ZFX: variants seen among roughly 807,000 people sequenced by gnomAD.
ZFX encodes zinc finger X-chromosomal protein.
For synonymous variants in ZFX, 196 were observed against 226.8 expected, an observed-to-expected ratio of 0.86 and a Z score of 1.22; for missense variants, 362 against 628.3, an observed-to-expected ratio of 0.58 and a Z score of 4.53.
intron 3 of ZFX, among the ~76,000 whole-genome samples, chrX:24,162,728 C>G (rs957556084): frequency 5.4e-5 from 6 of 111,305 alleles, no homozygotes; most frequent in Non-Finnish European, 9.4e-5. Flanking sequence ...TTAAATCTAC[C>G]CTTTAAAATG....
intron 3 of ZFX, among the ~76,000 whole-genome samples, chrX:24,153,408 G>A (rs1195843021): frequency 1.8e-5 from 2 of 111,524 alleles, no homozygotes; most frequent in East Asian, 5.6e-4. Flanking sequence ...CCCCACTGCT[G>A]CTCTGAGCCT....
chrX:24,212,139 G>C lies in ZFX; in HGVS notation c.*763G>C, dbSNP rs768938413. 8.9e-6 allele frequency: 1 copy of C among 112,330 alleles called. No homozygotes were observed. Among genetic ancestry groups the C allele is most frequent in the Non-Finnish European group, 1.9e-5 (1 of 53,272 alleles). 9.3% of individuals were successfully genotyped at this position (112,330 alleles called of 1,213,427 possible). ...CTTGGAATGGTTGTGTGCTACAAAT[G>C]ACACTTACTGAGGACTGCATTTTGG... On this transcript the variant is annotated 3_prime_UTR_variant, in exon 10 of 10. Transcript: ENST00000304543.
rs762143910 is a variant in ZFX at position 24,179,811 on chromosome X, A to G, written c.646+41A>G. 55 of 1,115,962 alleles carry G rather than the reference A, an allele frequency of 4.9e-5. No homozygotes were observed. The South Asian group carries it at 8.1e-4, about 16-fold the overall frequency. The allele number at this position is 1,115,962 out of a possible 1,213,427, so 92.0% of individuals were successfully genotyped here. ...CAGTGATTGTCAAAGGTGTTTTTGT[A>G]GGCTGCCTCTTCTAATTTACATCAG... On this transcript the variant is annotated intron_variant, in intron 5 of 9. Transcript: ENST00000304543.
chrX:24,200,601 CTCTGT>C (rs199605288), intron 5 of ZFX, among the ~76,000 whole-genome samples: 3,709 of 112,398 alleles, frequency 0.033, 142 homozygotes, highest in African/African-American at 0.11. Flanking sequence ...ACAAAAAAAT[CTCTGT>C]TCTTTCTTCC....
intron 5 of ZFX, among the ~76,000 whole-genome samples, chrX:24,187,483 A>G (rs1454447473): frequency 8.9e-6 from 1 of 112,216 alleles, no homozygotes; most frequent in Non-Finnish European, 1.9e-5. Context: ...CCAAATTTCA[A>G]CAATGTTAAA....
intron 3 of ZFX, among the ~76,000 whole-genome samples, chrX:24,162,193 A>G (rs1026023871): frequency 1.8e-5 from 2 of 111,291 alleles, no homozygotes; most frequent in African/African-American, 6.5e-5. Context: ...GTGCCATTGC[A>G]CTCCAGCCTG....
intron 3 of ZFX, among the ~76,000 whole-genome samples, chrX:24,163,892 A>T (rs1366959003): frequency 2.8e-5 from 3 of 106,034 alleles, no homozygotes; most frequent in Admixed American, 1.0e-4. Context: ...TTATTGAGTT[A>T]ATGCTGGTAA....
Position 24,210,239 on chromosome X carries a change from C to T in ZFX, c.1281C>T (p.Cys427=). Residue 427 remains cysteine (C), a synonymous_variant, in exon 10 of 10, where the codon TGC becomes TGT. Transcript: ENST00000304543. ...PDGHPLTVYP[C]MICGKKFKSR... ...GACATCCTTTGACTGTCTATCCTTG[C>T]ATGATTTGTGGGAAGAAGTTTAAGT... 8.3e-7 allele frequency: 1 copy of T among 1,211,763 alleles called. No individual in the cohort carries two copies. Among genetic ancestry groups the T allele is most frequent in the Non-Finnish European group, 1.1e-6 (1 of 895,564 alleles).
chrX:24,196,902 G>GGTTT (rs1204460328), intron 5 of ZFX, among the ~76,000 whole-genome samples: 80 of 111,595 alleles, frequency 7.2e-4, no homozygotes, highest in African/African-American at 2.4e-3. Flanking sequence ...GCTGTAGGTT[G>GGTTT]GTTTGTTTGT....
intron 5 of ZFX, among the ~76,000 whole-genome samples, chrX:24,186,881 C>T (rs935766045): frequency 5.4e-5 from 6 of 111,424 alleles, no homozygotes; most frequent in Non-Finnish European, 7.5e-5. Context: ...GTATCTTCCC[C>T]ATCACACCGT....
rs1938368864 is a variant in ZFX at position 24,215,042 on chromosome X, A to G, written c.*3666A>G. On this transcript the variant is annotated 3_prime_UTR_variant, in exon 10 of 10. Transcript: ENST00000304543. ...AAGATTCTGCAGTTCTTCCAACTGTATGAACAAACGTTTGCCTAATAGTTG... is the reference window on the plus strand; with the variant it reads ...AAGATTCTGCAGTTCTTCCAACTGTGTGAACAAACGTTTGCCTAATAGTTG... 8.9e-6 allele frequency: 1 copy of G among 112,236 alleles called. No homozygotes were observed. The highest frequency in any genetic ancestry group is 1.9e-5 in the Non-Finnish European group (1 of 53,284). The allele number at this position is 112,236 out of a possible 1,213,427, so 9.2% of individuals were successfully genotyped here.
chrX:24,183,223 T>G (rs1935820577), intron 5 of ZFX, among the ~76,000 whole-genome samples: 1 of 111,957 alleles, frequency 8.9e-6, no homozygotes, highest in African/African-American at 3.2e-5. Flanking sequence ...CTCACTCTGT[T>G]GCCCAGGCTG....
intron 3 of ZFX, among the ~76,000 whole-genome samples, chrX:24,168,724 A>G (rs1437383788): frequency 1.2e-5 from 1 of 86,822 alleles, no homozygotes; most frequent in Non-Finnish European, 2.3e-5. Context: ...CCCAAAAACT[A>G]TGTTTTTCCA....
rs1340843621 is a variant in ZFX at position 24,210,637 on chromosome X, C to T, written c.1679C>T (p.Pro560Leu). The change falls in exon 10 of 10, where the codon CCG becomes CTG. Residue 560 changes from proline (P) to leucine (L), a missense_variant. Coordinates refer to ENST00000304543, the MANE Select transcript of ZFX (RefSeq NM_003410.4). Reference protein sequence around the residue: ...CVECGKGFRHPSELKKHMRIH... With the variant: ...CVECGKGFRHLSELKKHMRIH... Reference sequence around the variant, plus strand: ...GAGTGTGGTAAGGGTTTTCGTCACCCGTCAGAGCTCAAAAAGCACATGAGA... The same window carrying T: ...GAGTGTGGTAAGGGTTTTCGTCACCTGTCAGAGCTCAAAAAGCACATGAGA... The T allele has an allele frequency of 5.0e-6, 6 of 1,209,645 alleles. No individual in the cohort carries two copies. The highest frequency in any genetic ancestry group is 2.2e-5 in the Admixed American group (1 of 45,682).
intron 3 of ZFX, among the ~76,000 whole-genome samples, chrX:24,156,108 G>A (rs1008211744): frequency 4.5e-5 from 5 of 111,775 alleles, no homozygotes; most frequent in Non-Finnish European, 7.5e-5. Context: ...TGTTGGCCAG[G>A]CTTGTCTCGA....
At chrX:24,149,277 G>C (rs1220814582), upstream of ZFX, 2 of 109,671 alleles carry the variant, frequency 1.8e-5, no homozygotes, top group Admixed American at 9.5e-5. Context: ...GAGGCCCCCG[G>C]GGGGCGGCCG....
intron 8 of ZFX, among the ~76,000 whole-genome samples, 162 bp from the exon 9 acceptor site, chrX:24,208,738 C>T (rs1458665109): frequency 9.0e-6 from 1 of 111,256 alleles, no homozygotes; most frequent in Non-Finnish European, 1.9e-5. Context: ...CCTACGGTCT[C>T]GCGATAATAA....
chrX:24,208,309 G>A lies in ZFX; in HGVS notation c.1032G>A (p.Glu344=), dbSNP rs1937765448. Residue 344 remains glutamate, a synonymous_variant, in exon 8 of 10, where the codon GAG becomes GAA. Coordinates refer to ENST00000304543, the MANE Select transcript of ZFX (RefSeq NM_003410.4). The part of the protein sequence containing the change: ...AAAAAAAAVH[E]QQMDDNEIKT... ...CAGCGGCAGCCGCCGCCGTGCACGAGCAGCAAATGGATGACAATGAAATCA... is the reference window on the plus strand; with the variant it reads ...CAGCGGCAGCCGCCGCCGTGCACGAACAGCAAATGGATGACAATGAAATCA... 4 of 1,209,712 alleles carry A rather than the reference G, an allele frequency of 3.3e-6. No homozygotes were observed. Among genetic ancestry groups the A allele is most frequent in the South Asian group, 1.8e-5 (1 of 56,376 alleles).
chrX:24,188,743 C>T (rs983115296), intron 5 of ZFX, among the ~76,000 whole-genome samples: 6 of 111,824 alleles, frequency 5.4e-5, no homozygotes, highest in African/African-American at 1.6e-4. Flanking sequence ...TCAGGGCAGG[C>T]GCAAGGTAAG....
Sources: allele counts gnomAD v4.1 joint callset (sites outside exome capture counted in the v4.1 genomes callset), GRCh38; gene constraint gnomAD v4.1.1; transcripts MANE v1.5; gene names NCBI Gene and HGNC (gene_info 2026-07-23, HGNC 2026-07-21).